Variants in PYROXD1 observed in about 807,000 individuals in gnomAD.
PYROXD1 encodes the protein tRNA ligase complex-associated NAD(P)H dehydrogenase PYROXD1.
Under a neutral mutation model 62.0 loss-of-function variants are expected in PYROXD1, and 42 were observed. The observed-to-expected ratio is 0.68, with a 90% CI of 0.53 to 0.88. The LOEUF (loss-of-function observed/expected upper bound fraction) is 0.88. PYROXD1 is among the 40% of genes least tolerant of loss of function. The pLI is 0.00. For synonymous variants in PYROXD1, 170 were observed against 206.4 expected (o/e 0.82, Z 1.51); for missense variants, 493 against 604.8 (o/e 0.82, Z 1.94).
rs757345717 is a variant in PYROXD1 at position 21,437,793 on chromosome 12, G to C, written c.63G>C (p.Ala21=). The C allele has an allele frequency of 1.9e-6, 3 of 1,612,740 alleles. No homozygotes were observed. Among genetic ancestry groups the C allele is most frequent in the Non-Finnish European group, 2.5e-6 (3 of 1,179,658 alleles). Residue 21 remains alanine, a synonymous_variant, in exon 1 of 12, where the codon GCG becomes GCC. Coordinates refer to ENST00000240651, the MANE Select transcript of PYROXD1 (RefSeq NM_024854.5). ...GKFVVVGGGI[A]GVTCAEQLAT... ...TCGTGGTGGTCGGCGGCGGCATCGCGGGCGTCACTTGTGCGGAGCAGGTAG... is the reference window on the plus strand; with the variant it reads ...TCGTGGTGGTCGGCGGCGGCATCGCCGGCGTCACTTGTGCGGAGCAGGTAG...
At chr12:21,455,328 A>C in intron 6 of PYROXD1, 36 bp downstream of exon 6, 14 of 1,328,416 alleles carry the variant, frequency 1.1e-5, no homozygotes, top group Non-Finnish European at 1.4e-5. Context: ...TTCTCATACA[A>C]AACTTTTTTA....
chr12:21,438,949 G>C (rs1942245796), intron 1 of PYROXD1, among the ~76,000 whole-genome samples: 1 of 152,222 alleles, frequency 6.6e-6, no homozygotes, highest in East Asian at 1.9e-4. Flanking sequence ...GTCTATGCAA[G>C]AGATATCAAC....
intron 8 of PYROXD1, 64 bp downstream of exon 8, chr12:21,461,218 T>TG: frequency 1.0e-6 from 1 of 967,178 alleles, no homozygotes; most frequent in Middle Eastern, 2.7e-4. Context: ...AATTTAATCC[T>TG]GCTGTGTTCT....
chr12:21,459,561 G>T (rs1942656927), intron 7 of PYROXD1, among the ~76,000 whole-genome samples: 1 of 152,184 alleles, frequency 6.6e-6, no homozygotes, highest in Non-Finnish European at 1.5e-5. Context: ...TGGTTAGTCA[G>T]ACCAACTGGT....
intron 2 of PYROXD1, among the ~76,000 whole-genome samples, chr12:21,444,996 A>G (rs548011630): frequency 6.6e-6 from 1 of 152,330 alleles, no homozygotes; most frequent in East Asian, 1.9e-4. Context: ...AGATGACCAT[A>G]AGGTCTGCTA....
At chr12:21,465,646 A>G (rs143492339) in intron 10 of PYROXD1, among the ~76,000 whole-genome samples, 3,124 of 151,152 alleles carry the variant, frequency 0.021, 49 homozygotes, top group Middle Eastern at 0.045. Context: ...GGTTTCTTTT[A>G]CTGTGCAGAA....
intron 1 of PYROXD1, chr12:21,438,126 C>T (rs992438806): frequency 8.6e-6 from 3 of 349,668 alleles, no homozygotes; most frequent in South Asian, 9.0e-5. Flanking sequence ...AAAATTCAGC[C>T]CCCTTTCTTT....
At chr12:21,462,691 G>A in intron 9 of PYROXD1, 49 bp from the exon 10 acceptor site, 1 of 1,595,764 alleles carries the variant, frequency 6.3e-7, no homozygotes, top group Middle Eastern at 2.1e-4. Flanking sequence ...AATGGAAAAA[G>A]TCGTTTCATT....
At chr12:21,465,174 G>A (rs1942769563) in intron 10 of PYROXD1, among the ~76,000 whole-genome samples, 1 of 152,040 alleles carries the variant, frequency 6.6e-6, no homozygotes, top group African/African-American at 2.4e-5. Flanking sequence ...TAATCCTTTG[G>A]GTATATACGC....
At chr12:21,456,375 GT>G (rs1258516749) in intron 7 of PYROXD1, among the ~76,000 whole-genome samples, 6 of 152,170 alleles carry the variant, frequency 3.9e-5, no homozygotes, top group Non-Finnish European at 7.4e-5. Flanking sequence ...TGCAGGTTCA[GT>G]CCCAGACCAT....
intron 4 of PYROXD1, among the ~76,000 whole-genome samples, chr12:21,451,073 T>A (rs897354399): frequency 3.3e-5 from 5 of 152,134 alleles, no homozygotes; most frequent in African/African-American, 4.8e-5. Flanking sequence ...TGTTTTTTTC[T>A]TGGAGAATTT....
At chr12:21,463,790 A>G (rs1942742560) in intron 10 of PYROXD1, among the ~76,000 whole-genome samples, 1 of 151,908 alleles carries the variant, frequency 6.6e-6, no homozygotes, top group Non-Finnish European at 1.5e-5. Context: ...AGCTTTACCT[A>G]CCTCCTCCTA....
chr12:21,464,724 G>GTTT (rs59314106), intron 10 of PYROXD1, among the ~76,000 whole-genome samples: 1 of 120,658 alleles, frequency 8.3e-6, no homozygotes, highest in African/African-American at 3.0e-5. Context: ...CAAGGTCAGT[G>GTTT]TTTTTTTTTT....
At chr12:21,438,370 C>A (rs1942233158) in intron 1 of PYROXD1, 1 of 152,508 alleles carries the variant, frequency 6.6e-6, no homozygotes, top group African/African-American at 2.4e-5. Context: ...AACTCCTGGG[C>A]TCAAGCAGTC....
intron 10 of PYROXD1, among the ~76,000 whole-genome samples, chr12:21,464,843 C>T (rs1398092463): frequency 6.6e-6 from 1 of 152,032 alleles, no homozygotes; most frequent in African/African-American, 2.4e-5. Context: ...CAAGAGTCCC[C>T]GGTGTGTGAT....
At chr12:21,461,274 G>A in intron 8 of PYROXD1, 120 bp downstream of exon 8, 1 of 635,362 alleles carries the variant, frequency 1.6e-6, no homozygotes, top group Non-Finnish European at 2.4e-6. Context: ...AACATGAAAA[G>A]TAAAAATAAA....
At position 21,452,169 on chromosome 12, in the gene PYROXD1, TTAAA is replaced by T; in HGVS notation, c.488+18_488+21del. 1.4e-6 allele frequency: 2 copies of T among 1,416,026 alleles called. No homozygotes were observed. Among genetic ancestry groups the T allele is most frequent in the African/African-American group, 3.0e-5 (2 of 66,872 alleles). The allele number at this position is 1,416,026 out of a possible 1,614,324, so 87.7% of individuals were successfully genotyped here. A position where few individuals can be genotyped will look rare whatever the true frequency, so the allele number is the denominator to read the frequency against. ...CTTGAGTTAGTGTAAGTATATATTT[TTAAA>T]TATGATAACATTTAAATTGTTTAAA... On this transcript the variant is annotated intron_variant, in intron 5 of 11. Coordinates refer to ENST00000240651, the MANE Select transcript of PYROXD1 (RefSeq NM_024854.5).
In PYROXD1 at chr12:21,467,513, A is replaced by G. The variant is rs139539838; in HGVS notation, c.1149A>G (p.Gly383=). Residue 383 remains glycine (G), a synonymous_variant, in exon 11 of 12, where the codon GGA becomes GGG. Coordinates refer to ENST00000240651, the MANE Select transcript of PYROXD1 (RefSeq NM_024854.5). The part of the protein sequence containing the change: ...MRLWTQARQM[G]WYAAKCMAAA... ...TGTGGACCCAGGCTAGACAGATGGGATGGTATGCAGCAAAGTGCATGGCTG... is the reference window on the plus strand; with the variant it reads ...TGTGGACCCAGGCTAGACAGATGGGGTGGTATGCAGCAAAGTGCATGGCTG... The G allele has an allele frequency of 6.6e-5, 106 of 1,611,540 alleles. No homozygotes were observed. In the African/African-American group the frequency reaches 1.3e-3, roughly 20 times the overall value.
At chr12:21,450,561 C>A (rs1942476734) in intron 4 of PYROXD1, among the ~76,000 whole-genome samples, 1 of 152,180 alleles carries the variant, frequency 6.6e-6, no homozygotes, top group Admixed American at 6.5e-5. Context: ...TAATTTAATT[C>A]AGGGCTTATT....
Sources: gnomAD v4.1 joint callset for allele counts (sites outside exome capture counted in the v4.1 genomes callset) on GRCh38, gnomAD v4.1.1 for gene constraint, MANE v1.5 for transcripts, NCBI Gene and HGNC (gene_info 2026-07-23, HGNC 2026-07-21) for gene names.